The following BICC1 variants were observed in gnomAD, a reference collection of about 807,000 sequenced individuals.
BICC1 encodes protein bicaudal C homolog 1.
In BICC1, 43 loss-of-function variants were observed where a neutral mutation model predicts 111.0. The observed-to-expected ratio is 0.39, with a 90% CI of 0.30 to 0.50. The LOEUF (loss-of-function observed/expected upper bound fraction) is 0.50, where lower values mean the gene tolerates loss of function less well. Ranked by LOEUF, BICC1 falls within the 20% of genes least tolerant of loss-of-function variation. The pLI is 0.88. For synonymous variants in BICC1, 467 were observed against 434.4 expected, an observed-to-expected ratio of 1.07 and a Z score of -0.93; for missense variants, 1,091 against 1,203.2, an observed-to-expected ratio of 0.91 and a Z score of 1.38.
At chr10:58,765,605 G>A (rs1056232878) in intron 3 of BICC1, among the ~76,000 whole-genome samples, 10 of 152,112 alleles carry the variant, frequency 6.6e-5, no homozygotes, top group South Asian at 2.1e-4. Context: ...CTGTCAAGAC[G>A]GGAGAATCCC....
At chr10:58,800,820 T>A in intron 13 of BICC1, 70 bp from the exon 14 acceptor site, 1 of 1,433,892 alleles carries the variant, frequency 7.0e-7, no homozygotes, top group South Asian at 1.4e-5. Context: ...TTTGTTTCCA[T>A]TGCAGATAAT....
intron 10 of BICC1, among the ~76,000 whole-genome samples, chr10:58,797,276 G>T (rs1475449208): frequency 1.3e-5 from 2 of 152,122 alleles, no homozygotes; most frequent in Non-Finnish European, 2.9e-5. Context: ...AAATCATCCT[G>T]GGTCATTCAG....
At chr10:58,826,548 G>A (rs1396685942) in intron 20 of BICC1, among the ~76,000 whole-genome samples, 3 of 52,792 alleles carry the variant, frequency 5.7e-5, no homozygotes, top group Non-Finnish European at 1.3e-4. Flanking sequence ...TCAGGAGATC[G>A]AGACCATCCT....
intron 1 of BICC1, among the ~76,000 whole-genome samples, chr10:58,585,350 A>G (rs1439910349): frequency 1.3e-5 from 2 of 152,180 alleles, no homozygotes; most frequent in South Asian, 2.1e-4. Context: ...ACTTTTGAAC[A>G]GTTCCTAAGG....
At chr10:58,718,060 T>G (rs149189009) in intron 3 of BICC1, among the ~76,000 whole-genome samples, 23 of 152,366 alleles carry the variant, frequency 1.5e-4, no homozygotes, top group African/African-American at 5.5e-4. Context: ...TGTGAATTGT[T>G]TGCCCTTCCC....
intron 1 of BICC1, among the ~76,000 whole-genome samples, chr10:58,599,491 G>A (rs1004228159): frequency 7.2e-5 from 11 of 152,170 alleles, no homozygotes; most frequent in South Asian, 2.1e-4. Context: ...CACACACTGC[G>A]GCTTGTCAGT....
intron 20 of BICC1, chr10:58,823,808 A>C (rs2132984278): frequency 1.0e-6 from 1 of 985,122 alleles, no homozygotes; most frequent in South Asian, 4.7e-5. Context: ...ACTTAAGGGG[A>C]TTCATTTATT....
At chr10:58,524,515 G>T (rs1842477815) in intron 1 of BICC1, among the ~76,000 whole-genome samples, 1 of 152,130 alleles carries the variant, frequency 6.6e-6, no homozygotes, top group Non-Finnish European at 1.5e-5. Context: ...AGCTGAAACT[G>T]GATCCCTTCC....
chr10:58,739,215 G>C (rs1446856399), intron 3 of BICC1, among the ~76,000 whole-genome samples: 1 of 152,062 alleles, frequency 6.6e-6, no homozygotes, highest in Non-Finnish European at 1.5e-5. Context: ...ATTGGCTGTG[G>C]GTTTGTCATA....
intron 3 of BICC1, among the ~76,000 whole-genome samples, chr10:58,741,599 T>G (rs1168900106): frequency 6.6e-6 from 1 of 152,194 alleles, no homozygotes; most frequent in Non-Finnish European, 1.5e-5. Flanking sequence ...GAAGCTTACT[T>G]TTTTATTTTA....
At chr10:58,618,326 G>A (rs1845686178) in intron 1 of BICC1, among the ~76,000 whole-genome samples, 1 of 152,226 alleles carries the variant, frequency 6.6e-6, no homozygotes, top group Non-Finnish European at 1.5e-5. Flanking sequence ...GGAGTTTGGA[G>A]CGCATGTACA....
chr10:58,684,303 C>T lies in BICC1; in HGVS notation c.238-17771C>T, dbSNP rs1030003094. 4.6e-5 allele frequency among the ~76,000 whole-genome samples: 7 copies of T among 152,164 alleles called. No homozygotes were observed. In the South Asian group the frequency reaches 6.2e-4, roughly 14 times the overall value. On this transcript the variant is annotated intron_variant, in intron 2 of 20. Coordinates refer to ENST00000373886, the MANE Select transcript of BICC1 (RefSeq NM_001080512.3). Reference sequence around the variant, plus strand: ...AGTATTTTATTGAGGATTTTTGCATCGATGTCATCAGGGATATTGGTCTAA... The same window carrying T: ...AGTATTTTATTGAGGATTTTTGCATTGATGTCATCAGGGATATTGGTCTAA...
chr10:58,729,258 C>T (rs1331721712), intron 3 of BICC1, among the ~76,000 whole-genome samples: 1 of 152,190 alleles, frequency 6.6e-6, no homozygotes, highest in Non-Finnish European at 1.5e-5. Flanking sequence ...CATCAATTTT[C>T]ATAGCTAGAT....
chr10:58,788,350 G>A lies in BICC1; in HGVS notation c.547-20G>A, dbSNP rs1843072089. On this transcript the variant is annotated intron_variant, in intron 5 of 20. Transcript: ENST00000373886. ...GTTTGATTAAAATAAATCTAACTTTGTATTTTCCTCCTCTTATAGGTATCT... is the reference window on the plus strand; with the variant it reads ...GTTTGATTAAAATAAATCTAACTTTATATTTTCCTCCTCTTATAGGTATCT... 6.3e-6 allele frequency: 10 copies of A among 1,578,104 alleles called. No homozygotes were observed. Among genetic ancestry groups the A allele is most frequent in the Non-Finnish European group, 8.7e-6 (10 of 1,149,386 alleles).
chr10:58,656,399 A>C (rs1289370733), intron 2 of BICC1, among the ~76,000 whole-genome samples: 2 of 150,988 alleles, frequency 1.3e-5, no homozygotes, highest in Admixed American at 1.3e-4. Context: ...ACAACCAAAA[A>C]AGAGATTTTT....
chr10:58,753,364 C>G (rs561961540), intron 3 of BICC1, among the ~76,000 whole-genome samples: 1 of 152,102 alleles, frequency 6.6e-6, no homozygotes, highest in Non-Finnish European at 1.5e-5. Flanking sequence ...GACAGAGTCT[C>G]GCTATGTTGT....
At chr10:58,633,299 G>A (rs1162991452) in intron 2 of BICC1, among the ~76,000 whole-genome samples, 2 of 152,200 alleles carry the variant, frequency 1.3e-5, no homozygotes, top group Admixed American at 6.5e-5. Context: ...CCGGTCTTGG[G>A]TATGTGTTTA....
At chr10:58,813,155 A>G (rs1843965054) in intron 17 of BICC1, among the ~76,000 whole-genome samples, 1 of 152,280 alleles carries the variant, frequency 6.6e-6, no homozygotes, top group Admixed American at 6.5e-5. Flanking sequence ...AAAGTCAGAG[A>G]ATCTTGACTT....
chr10:58,823,406 G>T, intron 20 of BICC1: 1 of 984,830 alleles, frequency 1.0e-6, no homozygotes, highest in Non-Finnish European at 1.2e-6. Flanking sequence ...AGTCTCTTCA[G>T]TAGGACTTGA....
Sources: allele counts gnomAD v4.1 joint callset (sites outside exome capture counted in the v4.1 genomes callset), GRCh38; gene constraint gnomAD v4.1.1; transcripts MANE v1.5; gene names NCBI Gene and HGNC (gene_info 2026-07-23, HGNC 2026-07-21).